Variants in SLC25A30 observed in about 807,000 individuals in gnomAD.
SLC25A30 encodes the protein kidney mitochondrial carrier protein 1.
Under a neutral mutation model 42.7 loss-of-function variants are expected in SLC25A30, and 29 were observed. That is an observed-to-expected ratio of 0.68 (90% CI 0.51 to 0.93). The LOEUF (loss-of-function observed/expected upper bound fraction) is 0.93. Ranked by LOEUF, SLC25A30 falls within the 40% of genes least tolerant of loss-of-function variation. The pLI is 0.00. For synonymous variants in SLC25A30, 124 were observed against 131.0 expected, an observed-to-expected ratio of 0.95 and a Z score of 0.37; for missense variants, 300 against 359.7, an observed-to-expected ratio of 0.83 and a Z score of 1.34.
rs1157246066 is a variant in SLC25A30 at position 45,393,632 on chromosome 13, T to G, written c.*2342A>C. The G allele has an allele frequency of 1.0e-6, 1 of 985,352 alleles. No homozygotes were observed. The highest frequency in any genetic ancestry group is 1.2e-6 in the Non-Finnish European group (1 of 829,942). The allele number at this position is 985,352 out of a possible 1,614,324, so 61.0% of individuals were successfully genotyped here. On this transcript the variant is annotated 3_prime_UTR_variant, in exon 10 of 10. Transcript: ENST00000519676. ...AAACCCAAAGGTGGGGAGGTACTTATAGCCAGAACCCTGACAACGAGGGGA... is the reference window on the plus strand; with the variant it reads ...AAACCCAAAGGTGGGGAGGTACTTAGAGCCAGAACCCTGACAACGAGGGGA...
upstream of SLC25A30, among the ~76,000 whole-genome samples, chr13:45,422,231 C>T (rs1344752238): frequency 6.6e-6 from 1 of 152,064 alleles, no homozygotes; most frequent in Non-Finnish European, 1.5e-5. Flanking sequence ...TAATATGGAC[C>T]TGCGTCTTGT....
chr13:45,425,069 TAC>T, the SLC25A30 span, among the ~76,000 whole-genome samples: 18 of 72,688 alleles, frequency 2.5e-4, 3 homozygotes, highest in African/African-American at 1.0e-3. Context: ...TAAGTATATA[TAC>T]ATATATATAA....
chr13:45,425,573 A>T, the SLC25A30 span, among the ~76,000 whole-genome samples: 468 of 74,258 alleles, frequency 6.3e-3, 40 homozygotes, highest in Admixed American at 0.065. Flanking sequence ...AATATATATA[A>T]GTATATATAT....
the SLC25A30 span, among the ~76,000 whole-genome samples, chr13:45,425,170 GTATATAAATATATATACA>G: frequency 3.6e-3 from 313 of 86,458 alleles, 4 homozygotes; most frequent in African/African-American, 0.013. Flanking sequence ...ATATATATAA[GTATATAAATATATATACA>G]TATATAAATA....
intron 1 of SLC25A30, chr13:45,411,884 G>A (rs1326114617): frequency 6.1e-6 from 1 of 163,968 alleles, no homozygotes; most frequent in African/African-American, 2.4e-5. Flanking sequence ...GGCCAAGGTA[G>A]GAGAATTGTT....
In SLC25A30 at chr13:45,405,813, C is replaced by T. The variant is rs1363510537; in HGVS notation, c.307+70G>A. ...CAAATAAGCTGAAGAAAACCTGCTC[C>T]AAAACCACTTGAATAAAAAGACAGA... On this transcript the variant is annotated intron_variant, in intron 4 of 9. Coordinates refer to ENST00000519676, the MANE Select transcript of SLC25A30 (RefSeq NM_001010875.4). 2.7e-6 allele frequency: 4 copies of T among 1,462,090 alleles called. No homozygotes were observed. In the African/African-American group the frequency reaches 5.6e-5, roughly 20 times the overall value. The allele number at this position is 1,462,090 out of a possible 1,614,324, so 90.6% of individuals were successfully genotyped here.
chr13:45,402,806 A>AATGG (rs1201688179), intron 5 of SLC25A30: 61 of 985,436 alleles, frequency 6.2e-5, no homozygotes, highest in Non-Finnish European at 7.4e-5. Flanking sequence ...TAGCTGCTCC[A>AATGG]AGCCACTACA....
At chr13:45,424,595 A>ATAAATATATG in the SLC25A30 span, among the ~76,000 whole-genome samples, 1 of 68,890 alleles carries the variant, frequency 1.5e-5, no homozygotes, top group Non-Finnish European at 2.6e-5. Context: ...ATAAATATAT[A>ATAAATATATG]TAAATATATA....
the SLC25A30 span, among the ~76,000 whole-genome samples, chr13:45,432,307 T>A: frequency 2.0e-5 from 3 of 151,906 alleles, no homozygotes; most frequent in Non-Finnish European, 4.4e-5. Flanking sequence ...ATCCTCTTTA[T>A]AATTCTCATA....
At chr13:45,423,775 T>TATAAATATAA in the SLC25A30 span, among the ~76,000 whole-genome samples, 1 of 58,548 alleles carries the variant, frequency 1.7e-5, no homozygotes, top group South Asian at 6.5e-4. Flanking sequence ...TAAAAATATA[T>TATAAATATAA]AAATATATAA....
Position 45,401,075 on chromosome 13 carries a change from GAACA to G in SLC25A30, c.614+4_614+7del. On this transcript the variant is annotated splice_donor_5th_base_variant and intron_variant, in intron 7 of 9. Transcript: ENST00000519676. The stretch of plus-strand genomic sequence containing the variant: ...TCTATAATTTTTTAAAAAAAGCCAT[GAACA>G]TACAGGAAGTGGGTATACACAGTGT... 1 of 1,584,692 alleles carries G rather than the reference GAACA, an allele frequency of 6.3e-7. No homozygotes were observed. Among genetic ancestry groups the G allele is most frequent in the Non-Finnish European group, 8.6e-7 (1 of 1,167,264 alleles).
chr13:45,396,184 C>T (rs1593593855), intron 9 of SLC25A30, 169 bp from the exon 10 acceptor site: 2 of 1,484,816 alleles, frequency 1.3e-6, no homozygotes, highest in Non-Finnish European at 1.8e-6. Context: ...AAACTATCTT[C>T]CAAGGTCAGC....
chr13:45,401,915 C>T (rs1057233172), intron 6 of SLC25A30, among the ~76,000 whole-genome samples: 1 of 151,872 alleles, frequency 6.6e-6, no homozygotes, highest in African/African-American at 2.4e-5. Context: ...CAAAAATTAG[C>T]GGGGTGTGGT....
intron 2 of SLC25A30, among the ~76,000 whole-genome samples, chr13:45,410,305 C>T (rs1220892494): frequency 6.6e-6 from 1 of 152,146 alleles, no homozygotes; most frequent in East Asian, 1.9e-4. Flanking sequence ...CTCTTTACAG[C>T]CAAACAGGTT....
chr13:45,431,298 T>C, the SLC25A30 span, among the ~76,000 whole-genome samples: 212 of 212 alleles, frequency 1, 106 homozygotes, highest in Non-Finnish European at 1. Context: ...CTGCCTGCCT[T>C]GGCTTCCCAA....
chr13:45,397,856 ACTC>A (rs1881518201), intron 8 of SLC25A30: 2 of 982,564 alleles, frequency 2.0e-6, no homozygotes, highest in Non-Finnish European at 2.4e-6. Context: ...GATTGAATGA[ACTC>A]CACACAAAGG....
chr13:45,400,014 T>TTATATATATATA (rs1322955547), intron 7 of SLC25A30, among the ~76,000 whole-genome samples: 4,405 of 85,120 alleles, frequency 0.052, 110 homozygotes, highest in Non-Finnish European at 0.072. Context: ...TTATGTATGA[T>TTATATATATATA]TATATATATA....
At chr13:45,400,985 CT>C in intron 7 of SLC25A30, 97 bp downstream of exon 7, 2 of 1,112,630 alleles carry the variant, frequency 1.8e-6, no homozygotes, top group Non-Finnish European at 2.5e-6. Flanking sequence ...TCCTGCTTCA[CT>C]TCTGCATTGC....
At chr13:45,405,158 A>G (rs1376676554) in intron 4 of SLC25A30, among the ~76,000 whole-genome samples, 1 of 152,200 alleles carries the variant, frequency 6.6e-6, no homozygotes, top group Non-Finnish European at 1.5e-5. Context: ...TTCTGGGCTC[A>G]AGTGATCTGC....
Sources: gnomAD v4.1 joint callset for allele counts (sites outside exome capture counted in the v4.1 genomes callset) on GRCh38, gnomAD v4.1.1 for gene constraint, MANE v1.5 for transcripts, NCBI Gene and HGNC (gene_info 2026-07-23, HGNC 2026-07-21) for gene names.